The following SLC24A4 variants were observed in gnomAD, a reference collection of about 807,000 sequenced individuals.
SLC24A4 encodes solute carrier family 24 member 4.
Under a neutral mutation model 79.0 loss-of-function variants are expected in SLC24A4, and 53 were observed. The ratio of observed to expected loss-of-function variants is 0.67; its 90% CI spans 0.54 to 0.84. SLC24A4 has a LOEUF of 0.84. Ranked by LOEUF, SLC24A4 falls within the 40% of genes least tolerant of loss-of-function variation. The probability of loss-of-function intolerance (pLI) is 0.00; values close to 1 mark genes in which losing one functional copy is unlikely to be tolerated. For synonymous variants in SLC24A4, 323 were observed against 323.8 expected (o/e 1.00, Z 0.03); for missense variants, 731 against 822.0 (o/e 0.89, Z 1.35).
intron 2 of SLC24A4, among the ~76,000 whole-genome samples, chr14:92,368,293 A>G (rs114171724): frequency 0.017 from 2,560 of 152,344 alleles, 72 homozygotes; most frequent in African/African-American, 0.057. Context: ...CTACGTTCCC[A>G]GGAAAGCTTC....
At chr14:92,421,681 T>C (rs1468311883) in intron 2 of SLC24A4, among the ~76,000 whole-genome samples, 43 of 152,062 alleles carry the variant, frequency 2.8e-4, no homozygotes, top group Admixed American at 2.8e-3. Flanking sequence ...CTAATTTTTA[T>C]ATTTTTAGTA....
At chr14:92,456,319 G>T in intron 11 of SLC24A4, 85 bp from the exon 12 acceptor site, 2 of 1,386,286 alleles carry the variant, frequency 1.4e-6, no homozygotes, top group Non-Finnish European at 2.0e-6. Flanking sequence ...GTAAGAGCAG[G>T]GTGCGTGTGA....
chr14:92,455,314 T>G (rs1893392757), intron 11 of SLC24A4, among the ~76,000 whole-genome samples: 1 of 152,244 alleles, frequency 6.6e-6, no homozygotes, highest in African/African-American at 2.4e-5. Flanking sequence ...TACACAAATG[T>G]GCATAGCTGC....
intron 9 of SLC24A4, among the ~76,000 whole-genome samples, chr14:92,447,687 T>C (rs1473866239): frequency 6.6e-6 from 1 of 152,142 alleles, no homozygotes; most frequent in Admixed American, 6.5e-5. Context: ...TCCAGACAAG[T>C]AGCATGCAAG....
At chr14:92,372,795 A>T (rs1326617560) in intron 2 of SLC24A4, among the ~76,000 whole-genome samples, 3 of 151,710 alleles carry the variant, frequency 2.0e-5, no homozygotes, top group African/African-American at 7.3e-5. Flanking sequence ...GGTTTTGAAG[A>T]CGTGGGTAGG....
At chr14:92,407,507 G>A (rs1595232071) in intron 2 of SLC24A4, among the ~76,000 whole-genome samples, 1 of 152,076 alleles carries the variant, frequency 6.6e-6, no homozygotes, top group Admixed American at 6.5e-5. Context: ...GGTAATTTAT[G>A]AAGAAAAGAG....
At position 92,373,159 on chromosome 14, in the gene SLC24A4, C is replaced by A. The variant is rs539157277; in HGVS notation, c.241+47181C>A. ...GGATTACAGGTGCCCACCACCATGC[C>A]CAGCTAATTTATACACACACACACA... On this transcript the variant is annotated intron_variant, in intron 2 of 16. Coordinates refer to ENST00000532405, the MANE Select transcript of SLC24A4 (RefSeq NM_153646.4). Among the ~76,000 whole-genome samples the A allele has an allele frequency of 2.1e-5, 3 of 145,346 alleles. No homozygotes were observed. The South Asian group carries it at 6.8e-4, about 33-fold the overall frequency.
At chr14:92,466,936 A>T (rs927207227) in intron 12 of SLC24A4, among the ~76,000 whole-genome samples, 4 of 152,232 alleles carry the variant, frequency 2.6e-5, no homozygotes, top group African/African-American at 7.2e-5. Context: ...TGCTCATATG[A>T]GGAACAAAGA....
At chr14:92,457,737 G>A (rs1166769020) in intron 12 of SLC24A4, among the ~76,000 whole-genome samples, 3 of 152,220 alleles carry the variant, frequency 2.0e-5, no homozygotes, top group Admixed American at 6.5e-5. Flanking sequence ...TCTTGGAGGC[G>A]TTTTTTCTGA....
chr14:92,449,340 C>T (rs1268413406), intron 10 of SLC24A4, 124 bp downstream of exon 10: 1 of 1,283,710 alleles, frequency 7.8e-7, no homozygotes, highest in Non-Finnish European at 1.1e-6. Context: ...ACAATGTCCC[C>T]CCTCTAAATT....
intron 12 of SLC24A4, among the ~76,000 whole-genome samples, chr14:92,466,270 A>G (rs1174597383): frequency 6.6e-6 from 1 of 152,260 alleles, no homozygotes; most frequent in Non-Finnish European, 1.5e-5. Context: ...AGCTGGAATT[A>G]GAGTGCTGAC....
chr14:92,487,860 C>G (rs776857150), intron 14 of SLC24A4, among the ~76,000 whole-genome samples: 1 of 152,098 alleles, frequency 6.6e-6, no homozygotes, highest in Non-Finnish European at 1.5e-5. Context: ...TTCCTAGCTT[C>G]CAGTGGTCAC....
intron 2 of SLC24A4, among the ~76,000 whole-genome samples, chr14:92,418,704 T>G (rs1435395248): frequency 6.6e-6 from 1 of 152,020 alleles, no homozygotes. Flanking sequence ...ATTTGTTTTG[T>G]TTTTTGTTTT....
chr14:92,449,345 T>G (rs1893011892), intron 10 of SLC24A4, 129 bp downstream of exon 10: 1 of 1,267,994 alleles, frequency 7.9e-7, no homozygotes, highest in East Asian at 2.6e-5. Context: ...GTCCCCCCTC[T>G]AAATTGTCAC....
intron 3 of SLC24A4, among the ~76,000 whole-genome samples, chr14:92,436,399 C>G (rs529056844): frequency 6.6e-6 from 1 of 152,098 alleles, no homozygotes; most frequent in Non-Finnish European, 1.5e-5. Flanking sequence ...GACTATTTGG[C>G]CAGCAAAGCC....
At position 92,490,350 on chromosome 14, in the gene SLC24A4, A is replaced by G. The variant is rs1294384399; in HGVS notation, c.1538-1315A>G. ...TACAAAAGTTTGCTTTCTTAATTAT[A>G]TGCCTCTCCAGTTACTAACTTCCTG... On this transcript the variant is annotated intron_variant, in intron 14 of 16. Coordinates refer to ENST00000532405, the MANE Select transcript of SLC24A4 (RefSeq NM_153646.4). This position sits in a 1 kb window ranked among gnomAD's most constrained non-coding sequence, Gnocchi z 4.3. Among the ~76,000 whole-genome samples the G allele has an allele frequency of 6.6e-6, 1 of 152,032 alleles. No homozygotes were observed. The highest frequency in any genetic ancestry group is 1.5e-5 in the Non-Finnish European group (1 of 68,008).
intron 3 of SLC24A4, 64 bp downstream of exon 3, chr14:92,434,052 G>A: frequency 7.8e-7 from 1 of 1,275,006 alleles, no homozygotes; most frequent in Non-Finnish European, 1.1e-6. Flanking sequence ...GCACAGCGGG[G>A]CAGAGCCGTG....
intron 2 of SLC24A4, among the ~76,000 whole-genome samples, chr14:92,348,959 T>G (rs909144365): frequency 6.6e-6 from 1 of 152,148 alleles, no homozygotes; most frequent in African/African-American, 2.4e-5. Context: ...TGACCATGGC[T>G]TGTAATCTGG....
At chr14:92,421,533 A>C (rs999105911) in intron 2 of SLC24A4, among the ~76,000 whole-genome samples, 2 of 151,754 alleles carry the variant, frequency 1.3e-5, no homozygotes, top group Non-Finnish European at 2.9e-5. Flanking sequence ...TTTGAGACAC[A>C]GTTTTACTCT....
Sources: allele counts gnomAD v4.1 joint callset (sites outside exome capture counted in the v4.1 genomes callset), GRCh38; gene constraint gnomAD v4.1.1; non-coding constraint Gnocchi (gnomAD v3.1); transcripts MANE v1.5; gene names NCBI Gene and HGNC (gene_info 2026-07-23, HGNC 2026-07-21).